PRDM15: variants seen among roughly 807,000 people sequenced by gnomAD.
PRDM15 encodes PR domain zinc finger protein 15.
A neutral mutation model predicts 128.6 loss-of-function variants in PRDM15; 64 were observed. The observed-to-expected ratio is 0.50, with a 90% confidence interval of 0.41 to 0.61. The LOEUF (loss-of-function observed/expected upper bound fraction) is 0.61, where lower values mean the gene tolerates loss of function less well. Among genes scored for constraint, PRDM15 ranks in the 20% least tolerant of loss-of-function variants. PRDM15 has a pLI of 0.00. For synonymous variants in PRDM15, 615 were observed against 621.8 expected, an observed-to-expected ratio of 0.99 and a Z score of 0.16; for missense variants, 1,242 against 1,569.1, an observed-to-expected ratio of 0.79 and a Z score of 3.52.
In PRDM15 at chr21:41,828,425, G is replaced by T; in HGVS notation, c.1367-92C>A. 1 of 1,352,276 alleles carries T rather than the reference G, an allele frequency of 7.4e-7. No individual in the cohort carries two copies. 83.8% of individuals were successfully genotyped at this position (1,352,276 alleles called of 1,614,324 possible). On this transcript the variant is annotated intron_variant, in intron 11 of 23. Coordinates refer to ENST00000398548, the MANE Select transcript of PRDM15 (RefSeq NM_001040424.3). The surrounding 1 kb of genome is among the most constrained non-coding windows in gnomAD (Gnocchi z 5.7). The stretch of plus-strand genomic sequence containing the variant: ...TGTGGCCTGAACGTCAATAAAGCGC[G>T]GGTGACGGGCATGAGAGTCACGGGG...
chr21:41,848,881 AT>A (rs1489740954), intron 5 of PRDM15, among the ~76,000 whole-genome samples: 1 of 152,248 alleles, frequency 6.6e-6, no homozygotes, highest in Non-Finnish European at 1.5e-5. Context: ...TAAGAAGAAA[AT>A]ATTAGTTAAC....
intron 6 of PRDM15, among the ~76,000 whole-genome samples, chr21:41,843,111 T>G (rs28710806): frequency 3.3e-5 from 5 of 151,974 alleles, no homozygotes; most frequent in African/African-American, 4.8e-5. Flanking sequence ...TTGTTTGTTT[T>G]TTTGTTTGTT....
At chr21:41,834,302 G>A (rs960595097) in intron 11 of PRDM15, among the ~76,000 whole-genome samples, 2 of 152,084 alleles carry the variant, frequency 1.3e-5, no homozygotes, top group Non-Finnish European at 2.9e-5. Context: ...AGGGCCCCCC[G>A]CGCCCAGCAG....
chr21:41,827,852 C>G (rs2062523263), intron 12 of PRDM15, among the ~76,000 whole-genome samples: 1 of 152,274 alleles, frequency 6.6e-6, no homozygotes, highest in African/African-American at 2.4e-5. Context: ...AAAAACACTT[C>G]TAATGACAGT....
intron 11 of PRDM15, among the ~76,000 whole-genome samples, chr21:41,829,292 A>G (rs1022237524): frequency 0.011 from 1,617 of 151,248 alleles, 31 homozygotes; most frequent in African/African-American, 0.037. Context: ...ACACAAATAC[A>G]CAATCACATA....
In PRDM15 at chr21:41,839,754, T is replaced by C; in HGVS notation, c.740A>G (p.Glu247Gly). 1 of 1,614,216 alleles carries C rather than the reference T, an allele frequency of 6.2e-7. No homozygotes were observed. Among genetic ancestry groups the C allele is most frequent in the Non-Finnish European group, 8.5e-7 (1 of 1,180,022 alleles). ...PEKEQDTPRG[E>G]PPAVPESENV... is the part of the protein sequence containing the mutation. ...CTCGCTCTCGGGCACTGCAGGGGGT[T>C]CCCCCCGGGGTGTGTCCTGCTCCTT... Residue 247 changes from glutamate to glycine, a missense_variant, in exon 7 of 24, where the codon GAA (glutamate) becomes GGA (glycine). This residue lies in a region of PRDM15 where 612 missense variants were observed against 717.0 expected (regional missense o/e 0.85). Transcript: ENST00000398548.
intron 7 of PRDM15, among the ~76,000 whole-genome samples, chr21:41,838,991 G>A (rs570101135): frequency 1.3e-5 from 2 of 152,388 alleles, no homozygotes; most frequent in East Asian, 1.9e-4. Context: ...CCCACGAGGC[G>A]TGTGCTGCAG....
chr21:41,830,364 T>C (rs2062643994), intron 11 of PRDM15, among the ~76,000 whole-genome samples: 3 of 143,854 alleles, frequency 2.1e-5, no homozygotes, highest in Admixed American at 2.0e-4. Context: ...ACACACAACA[T>C]ACAAACACAT....
At chr21:41,829,566 A>T (rs912281827) in intron 11 of PRDM15, among the ~76,000 whole-genome samples, 1 of 145,932 alleles carries the variant, frequency 6.9e-6, no homozygotes, top group Non-Finnish European at 1.5e-5. Flanking sequence ...CACATACACA[A>T]CCCACAAACA....
intron 1 of PRDM15, among the ~76,000 whole-genome samples, chr21:41,877,835 C>G (rs952136432): frequency 6.6e-6 from 1 of 152,096 alleles, no homozygotes; most frequent in African/African-American, 2.4e-5. Flanking sequence ...TACTTTGCGG[C>G]AAAAAGTATG....
rs2062747793 is a variant in PRDM15 at position 41,832,995 on chromosome 21, T to TGC, written c.1366+2440_1366+2441dup. On this transcript the variant is annotated intron_variant, in intron 11 of 23. Transcript: ENST00000398548. This position sits in a 1 kb window ranked among gnomAD's most constrained non-coding sequence, Gnocchi z 4.2. Reference sequence around the variant, plus strand: ...ACAATGCTTCTCCCTCCAATAACCCTGCGCCGAGGGGATCTAGGTTTATGT... The same window carrying TGC: ...ACAATGCTTCTCCCTCCAATAACCCTGCGCGCCGAGGGGATCTAGGTTTATGT... 6.6e-6 allele frequency among the ~76,000 whole-genome samples: 1 copy of TGC among 152,056 alleles called. No homozygotes were observed. The highest frequency in any genetic ancestry group is 2.4e-5 in the African/African-American group (1 of 41,408).
Position 41,810,595 on chromosome 21 carries a change from C to A in PRDM15, c.2476+158G>T, listed in dbSNP as rs550791922. ...TACTTGAAAGCTGTGGCGGGTTGAC[C>A]TTCAGAGGCCAAGGGGCCACCATGA... On this transcript the variant is annotated intron_variant, in intron 20 of 23. Coordinates refer to ENST00000398548, the MANE Select transcript of PRDM15 (RefSeq NM_001040424.3). This position sits in a 1 kb window ranked among gnomAD's most constrained non-coding sequence, Gnocchi z 6.4. 2.1e-4 allele frequency: 141 copies of A among 660,028 alleles called. No individual in the cohort carries two copies. Among genetic ancestry groups the A allele is most frequent in the Middle Eastern group, 4.1e-4 (1 of 2,432 alleles). The allele number at this position is 660,028 out of a possible 1,614,324, so 40.9% of individuals were successfully genotyped here.
At chr21:41,841,832 C>G (rs1009949462) in intron 6 of PRDM15, among the ~76,000 whole-genome samples, 14 of 152,152 alleles carry the variant, frequency 9.2e-5, no homozygotes, top group African/African-American at 3.1e-4. Context: ...ATTAAAAGCT[C>G]CCACTACAGA....
intron 13 of PRDM15, among the ~76,000 whole-genome samples, chr21:41,824,247 C>A (rs764590879): frequency 6.6e-6 from 1 of 152,182 alleles, no homozygotes; most frequent in Non-Finnish European, 1.5e-5. Flanking sequence ...CATCTCCAGG[C>A]GACATCTCTT....
chr21:41,801,328 G>A lies in PRDM15; in HGVS notation c.3338C>T (p.Pro1113Leu). 1 of 1,586,292 alleles carries A rather than the reference G, an allele frequency of 6.3e-7. No individual in the cohort carries two copies. Residue 1113 changes from proline to leucine, a missense_variant, in exon 24 of 24, where the codon CCA becomes CTA. Physicochemically the swap from Pro to Leu is moderately conservative, Grantham distance 98. Transcript: ENST00000398548. ...TGGGGGTGCCTGCGGCTGCGAGGGT[G>A]GCAAGACGTCAGTCTGGGGCACTGC... ...WRAVPQTDVL[P>L]PSQPQAPPQQ...
intron 18 of PRDM15, among the ~76,000 whole-genome samples, chr21:41,817,729 C>CA (rs1184186368): frequency 6.6e-6 from 1 of 152,016 alleles, no homozygotes; most frequent in South Asian, 2.1e-4. Context: ...AGCAAAGTAT[C>CA]AAAAAAACAA....
chr21:41,829,593 C>T (rs1267033346), intron 11 of PRDM15, among the ~76,000 whole-genome samples: 3 of 150,942 alleles, frequency 2.0e-5, no homozygotes, highest in Non-Finnish European at 4.4e-5. Flanking sequence ...CAACACACAC[C>T]ACATACACTA....
intron 14 of PRDM15, 143 bp downstream of exon 14, chr21:41,823,175 G>T: frequency 2.7e-6 from 3 of 1,097,810 alleles, no homozygotes; most frequent in Non-Finnish European, 4.0e-6. Flanking sequence ...GGGCTTTGGG[G>T]TCTAGCCTCC....
intron 7 of PRDM15, 106 bp from the exon 8 acceptor site, chr21:41,838,169 T>C (rs554455309): frequency 8.1e-5 from 99 of 1,221,510 alleles, no homozygotes; most frequent in Non-Finnish European, 1.1e-4. Context: ...CAGGCCAGAA[T>C]GGTAGGCACA....
Sources: allele counts gnomAD v4.1 joint callset (sites outside exome capture counted in the v4.1 genomes callset), GRCh38; gene constraint gnomAD v4.1.1; regional missense constraint gnomAD v4.1.1; non-coding constraint Gnocchi (gnomAD v3.1); transcripts MANE v1.5; gene names NCBI Gene and HGNC (gene_info 2026-07-23, HGNC 2026-07-21).